The following TCF4 variants were observed in gnomAD, a reference collection of about 807,000 sequenced individuals.
TCF4 encodes SL3-3 enhancer factor 2.
TCF4 carries 3 observed loss-of-function variants against 82.1 expected under a neutral mutation model. The ratio of observed to expected loss-of-function variants is 0.04; its 90% CI spans 0.02 to 0.09. The LOEUF (loss-of-function observed/expected upper bound fraction) is 0.09, where lower values mean the gene tolerates loss of function less well. Among genes scored for constraint, TCF4 ranks in the 10% least tolerant of loss-of-function variants. The probability of loss-of-function intolerance (pLI) is 1.00; values close to 1 mark genes in which losing one functional copy is unlikely to be tolerated. For missense variants in TCF4, 518 were observed against 852.7 expected, an observed-to-expected ratio of 0.61 and a Z score of 4.89; for synonymous variants, 276 against 309.6, an observed-to-expected ratio of 0.89 and a Z score of 1.14.
intron 3 of TCF4, among the ~76,000 whole-genome samples, chr18:55,486,591 T>C (rs1459490309): frequency 1.3e-5 from 2 of 151,790 alleles, no homozygotes; most frequent in Non-Finnish European, 2.9e-5. Context: ...GACTCTTGTA[T>C]CAAAAACAAA....
In TCF4 at chr18:55,488,067, ATT is replaced by A. The variant is rs2096535789; in HGVS notation, c.146-23932_146-23931del. 8.5e-5 allele frequency among the ~76,000 whole-genome samples: 13 copies of A among 152,332 alleles called. 1 individual carries two copies. The South Asian group carries it at 2.7e-3, about 32-fold the overall frequency. On this transcript the variant is annotated intron_variant, in intron 3 of 19. Coordinates refer to ENST00000354452, the MANE Select transcript of TCF4 (RefSeq NM_001083962.2). Reference sequence around the variant, plus strand: ...ATGGCTTTGCACCCCATTTGAAAGGATTTGCTATAAAACTGCACTGGCATAAA... The same window carrying A: ...ATGGCTTTGCACCCCATTTGAAAGGATGCTATAAAACTGCACTGGCATAAA...
chr18:55,456,106 T>C (rs2095747564), intron 5 of TCF4, among the ~76,000 whole-genome samples: 2 of 152,212 alleles, frequency 1.3e-5, no homozygotes, highest in South Asian at 4.1e-4. Flanking sequence ...AACCTAAATA[T>C]TCCTGCTAGG....
rs574689403 is a variant in TCF4, at chr18:55,303,164, G to C, written c.550-23508C>G. Among the ~76,000 whole-genome samples the C allele has an allele frequency of 1.7e-4, 26 of 151,688 alleles. 2 individuals carry two copies. In the South Asian group the frequency reaches 4.8e-3, roughly 28 times the overall value. On this transcript the variant is annotated intron_variant, in intron 8 of 19. Transcript: ENST00000354452. ...AGACAGAAAAGAAAGAAAATAGCTT[G>C]CAAGTGGGAGAGGAAAGAAGAACCT...
intron 5 of TCF4, among the ~76,000 whole-genome samples, chr18:55,419,852 T>A (rs1178029386): frequency 4.6e-5 from 7 of 152,240 alleles, no homozygotes; most frequent in African/African-American, 1.7e-4. Flanking sequence ...GCAGGAACAC[T>A]GGCTTCGCTG....
At chr18:55,626,171 T>C (rs1046666979) in intron 2 of TCF4, among the ~76,000 whole-genome samples, 10 of 152,196 alleles carry the variant, frequency 6.6e-5, no homozygotes, top group African/African-American at 1.9e-4. Flanking sequence ...GATGGAAAAA[T>C]AGATGTCTGT....
upstream of TCF4, chr18:55,589,949 G>A (rs2097681305): frequency 3.7e-6 from 2 of 544,604 alleles, no homozygotes; most frequent in Non-Finnish European, 4.7e-6. Flanking sequence ...GCCTCCTCCG[G>A]GAGCGGAGGC....
At chr18:55,356,607 T>C (rs547153212) in intron 6 of TCF4, among the ~76,000 whole-genome samples, 87 of 152,324 alleles carry the variant, frequency 5.7e-4, no homozygotes, top group Middle Eastern at 3.4e-3. Flanking sequence ...CGATAGAATT[T>C]CATAAATCTT....
upstream of TCF4, among the ~76,000 whole-genome samples, chr18:55,590,720 A>G (rs2097683846): frequency 2.0e-5 from 3 of 152,260 alleles, no homozygotes; most frequent in Admixed American, 6.5e-5. Flanking sequence ...TCTTTGCAAC[A>G]GAAAAGCAAG....
intron 8 of TCF4, among the ~76,000 whole-genome samples, chr18:55,297,778 C>T (rs2066980923): frequency 6.6e-6 from 1 of 150,942 alleles, no homozygotes; most frequent in Non-Finnish European, 1.5e-5. Context: ...AAAAAAGAAG[C>T]AAACAAAAAA....
intron 5 of TCF4, among the ~76,000 whole-genome samples, chr18:55,410,024 A>G (rs1408471333): frequency 6.6e-6 from 1 of 152,224 alleles, no homozygotes; most frequent in Non-Finnish European, 1.5e-5. Context: ...ATTTGTGCTA[A>G]AAGAATTACA....
At chr18:55,579,562 A>G (rs1415562714) in intron 3 of TCF4, among the ~76,000 whole-genome samples, 1 of 152,032 alleles carries the variant, frequency 6.6e-6, no homozygotes, top group Non-Finnish European at 1.5e-5. Flanking sequence ...TATAGATTCT[A>G]AAGGTTTGGC....
intron 5 of TCF4, among the ~76,000 whole-genome samples, chr18:55,443,556 T>G (rs1384679515): frequency 6.6e-6 from 1 of 152,224 alleles, no homozygotes; most frequent in African/African-American, 2.4e-5. Flanking sequence ...CTTGTTTTAG[T>G]TCTTTTCTCA....
chr18:55,631,072 T>C (rs2097731096), intron 2 of TCF4, among the ~76,000 whole-genome samples: 2 of 137,488 alleles, frequency 1.5e-5, no homozygotes, highest in African/African-American at 2.9e-5. Context: ...TTTTTTGAAA[T>C]AGAATCTCAC....
At chr18:55,308,593 G>T (rs923318346) in intron 8 of TCF4, among the ~76,000 whole-genome samples, 1 of 152,174 alleles carries the variant, frequency 6.6e-6, no homozygotes, top group Non-Finnish European at 1.5e-5. Context: ...ATGCCAAAAG[G>T]TCTACAAAGA....
At chr18:55,232,196 CACA>C (rs1304443713) in intron 17 of TCF4, 22 of 298,504 alleles carry the variant, frequency 7.4e-5, no homozygotes, top group Non-Finnish European at 1.1e-4. Flanking sequence ...ATATTATAGA[CACA>C]ACATTTCTGA....
intron 8 of TCF4, among the ~76,000 whole-genome samples, chr18:55,336,620 T>A (rs2078701753): frequency 6.6e-6 from 1 of 152,148 alleles, no homozygotes; most frequent in Non-Finnish European, 1.5e-5. Context: ...ATGAAAGGGT[T>A]AACAGACATA....
intron 2 of TCF4, among the ~76,000 whole-genome samples, chr18:55,586,645 T>C (rs1276491620): frequency 6.6e-6 from 1 of 152,214 alleles, no homozygotes; most frequent in Non-Finnish European, 1.5e-5. Flanking sequence ...TCTCCTATTT[T>C]CTATTTTCCA....
intron 10 of TCF4, among the ~76,000 whole-genome samples, chr18:55,270,293 A>G (rs1303431209): frequency 6.6e-6 from 1 of 152,014 alleles, no homozygotes; most frequent in Non-Finnish European, 1.5e-5. Context: ...TCTACTATTA[A>G]TTTTTTTGTG....
intron 8 of TCF4, among the ~76,000 whole-genome samples, chr18:55,297,946 A>G (rs1027064759): frequency 3.3e-5 from 5 of 152,172 alleles, no homozygotes; most frequent in African/African-American, 1.2e-4. Flanking sequence ...ATGTCTATCT[A>G]AATTTGATCA....
Sources: allele counts gnomAD v4.1 joint callset (sites outside exome capture counted in the v4.1 genomes callset), GRCh38; gene constraint gnomAD v4.1.1; transcripts MANE v1.5; gene names NCBI Gene and HGNC (gene_info 2026-07-23, HGNC 2026-07-21).